WWC2: variants seen among roughly 807,000 people sequenced by gnomAD.
WWC2 encodes WW and C2 domain containing 2.
In WWC2, 101 loss-of-function variants were observed where a neutral mutation model predicts 138.5. The observed-to-expected ratio is 0.73, with a 90% CI of 0.62 to 0.86. The LOEUF (loss-of-function observed/expected upper bound fraction) is 0.86, where lower values mean the gene tolerates loss of function less well. WWC2 is among the 40% of genes least tolerant of loss of function. The pLI is 0.00. For synonymous variants in WWC2, 558 were observed against 538.4 expected (o/e 1.04, Z -0.50); for missense variants, 1,420 against 1,419.4 (o/e 1.00, Z -0.01).
At chr4:183,191,795 A>G (rs971319335) in intron 1 of WWC2, among the ~76,000 whole-genome samples, 11 of 152,002 alleles carry the variant, frequency 7.2e-5, no homozygotes, top group Admixed American at 7.2e-4. Flanking sequence ...TGGTGCGATC[A>G]TGGCTCACTG....
intron 1 of WWC2, among the ~76,000 whole-genome samples, chr4:183,146,381 T>A (rs1007617183): frequency 4.6e-5 from 7 of 152,198 alleles, no homozygotes; most frequent in African/African-American, 9.6e-5. Flanking sequence ...GATCAGTTGC[T>A]CTCTCTCTAG....
At chr4:183,301,829 A>G (rs1449522673) in intron 21 of WWC2, among the ~76,000 whole-genome samples, 1 of 152,240 alleles carries the variant, frequency 6.6e-6, no homozygotes, top group African/African-American at 2.4e-5. Context: ...CCCAGAGGTT[A>G]CCACTGTTGA....
intron 21 of WWC2, among the ~76,000 whole-genome samples, chr4:183,301,110 T>A (rs1315148799): frequency 1.3e-5 from 2 of 152,216 alleles, no homozygotes; most frequent in Admixed American, 1.3e-4. Flanking sequence ...TGGTATTTCA[T>A]GAAGAATTTG....
intron 4 of WWC2, among the ~76,000 whole-genome samples, chr4:183,218,214 A>G (rs1735811637): frequency 6.6e-6 from 1 of 152,216 alleles, no homozygotes; most frequent in Non-Finnish European, 1.5e-5. Context: ...AGACTTCAAT[A>G]GACATTTCTG....
At chr4:183,184,090 C>G (rs1560830793) in intron 1 of WWC2, among the ~76,000 whole-genome samples, 1 of 152,162 alleles carries the variant, frequency 6.6e-6, no homozygotes, top group East Asian at 1.9e-4. Flanking sequence ...TATTTAGTTT[C>G]AGAACATTGT....
At chr4:183,170,478 G>GAA (rs1734245845) in intron 1 of WWC2, among the ~76,000 whole-genome samples, 1 of 152,146 alleles carries the variant, frequency 6.6e-6, no homozygotes, top group African/African-American at 2.4e-5. Flanking sequence ...GGGGTAAAGA[G>GAA]GAAAGCACTT....
At chr4:183,117,730 A>G (rs1732460414) in intron 1 of WWC2, among the ~76,000 whole-genome samples, 1 of 150,548 alleles carries the variant, frequency 6.6e-6, no homozygotes, top group Non-Finnish European at 1.5e-5. Flanking sequence ...TCAGCCTCCC[A>G]GAGTGCTGGG....
chr4:183,261,247 T>G lies in WWC2; in HGVS notation c.1624T>G (p.Ser542Ala). Residue 542 changes from serine (S) to alanine (A), a missense_variant, in exon 11 of 23, where the codon TCT becomes GCT. By Grantham distance (99) the Ser-to-Ala change is moderately conservative. Coordinates refer to ENST00000403733, the MANE Select transcript of WWC2 (RefSeq NM_024949.6). ...HTPPLAEAPKSVASLSSRSSL... is the reference protein window; with the variant it reads ...HTPPLAEAPKAVASLSSRSSL... ...TCCTCCACTGGCTGAGGCCCCGAAG[T>G]CTGTGGCCTCCCTGTCCTCGAGGTC... 1 of 1,613,020 alleles carries G rather than the reference T, an allele frequency of 6.2e-7. No individual in the cohort carries two copies.
At chr4:183,171,749 T>G (rs942261141) in intron 1 of WWC2, among the ~76,000 whole-genome samples, 1 of 152,230 alleles carries the variant, frequency 6.6e-6, no homozygotes, top group Non-Finnish European at 1.5e-5. Context: ...TTTACATATT[T>G]AAAAGTTTCT....
rs546555995 is a variant in WWC2, at chr4:183,185,945, AT to A, written c.132-7635del. 4.4e-3 allele frequency among the ~76,000 whole-genome samples: 583 copies of A among 131,208 alleles called. 2 individuals are homozygous for A. The highest frequency in any genetic ancestry group is 0.011 in the African/African-American group (380 of 35,800). 86.1% of individuals were successfully genotyped at this position (131,208 alleles called of 152,430 possible). ...ATGTAAAATTTGACCTTTAACATAG[AT>A]TTTTTTTTTTTTTTTTTTGGTGACG... On this transcript the variant is annotated intron_variant, in intron 1 of 22. Transcript: ENST00000403733.
At chr4:183,224,022 G>A (rs917159184) in intron 4 of WWC2, among the ~76,000 whole-genome samples, 4 of 152,066 alleles carry the variant, frequency 2.6e-5, no homozygotes, top group Admixed American at 6.6e-5. Context: ...GTGTGCCACC[G>A]CACCCAGCTG....
intron 4 of WWC2, among the ~76,000 whole-genome samples, chr4:183,236,509 G>C (rs191308244): frequency 4.6e-5 from 7 of 152,276 alleles, no homozygotes; most frequent in Non-Finnish European, 1.5e-5. Flanking sequence ...AACATTCAGC[G>C]GTCTATGAGT....
chr4:183,291,589 T>C (rs1738452040), intron 21 of WWC2, among the ~76,000 whole-genome samples: 1 of 152,234 alleles, frequency 6.6e-6, no homozygotes, highest in Admixed American at 6.5e-5. Context: ...ATTGGAGTTT[T>C]ACAACTATAG....
intron 22 of WWC2, among the ~76,000 whole-genome samples, chr4:183,314,555 G>A (rs922375361): frequency 1.3e-5 from 2 of 152,198 alleles, no homozygotes; most frequent in African/African-American, 4.8e-5. Context: ...GTTCTGCCCG[G>A]CACCACCCCA....
At position 183,295,616 on chromosome 4, in the gene WWC2, C is replaced by A. The variant is rs116975241; in HGVS notation, c.3384+5981C>A. Among the ~76,000 whole-genome samples the A allele has an allele frequency of 1.2e-3, 184 of 152,264 alleles. 3 individuals carry two copies. The East Asian group carries it at 0.025, about 21-fold the overall frequency. ...AGATCAAATCAGTATTTCTTAGAGA[C>A]CTTATGTACAACACAGTTTTGAAAT... On this transcript the variant is annotated intron_variant, in intron 21 of 22. Transcript: ENST00000403733.
chr4:183,201,800 T>G (rs1474431893), intron 2 of WWC2, among the ~76,000 whole-genome samples: 1 of 152,222 alleles, frequency 6.6e-6, no homozygotes, highest in Admixed American at 6.5e-5. Flanking sequence ...AGTATTTCTA[T>G]TCTAATCTAT....
Position 183,269,061 on chromosome 4 carries a change from C to G in WWC2, c.2298C>G (p.Phe766Leu). 6.2e-7 allele frequency: 1 copy of G among 1,613,924 alleles called. No homozygotes were observed. Among genetic ancestry groups the G allele is most frequent in the Non-Finnish European group, 8.5e-7 (1 of 1,179,878 alleles). Reference protein sequence around the residue: ...KVHPPTESILFNDVFRVAISQ... With the variant: ...KVHPPTESILLNDVFRVAISQ... ...ATCCGCCCACAGAATCCATTTTATT[C>G]AATGATGTGTTCAGAGTCGCCATTT... Residue 766 changes from phenylalanine (F) to leucine (L), a missense_variant, in exon 15 of 23, where the codon TTC (phenylalanine) becomes TTG (leucine). By Grantham distance (22) the Phe-to-Leu change is conservative. Transcript: ENST00000403733.
intron 1 of WWC2, among the ~76,000 whole-genome samples, chr4:183,138,895 C>G (rs1733205724): frequency 1.3e-5 from 2 of 152,084 alleles, no homozygotes; most frequent in South Asian, 4.2e-4. Context: ...TAACACGGCC[C>G]CAGTGATGTA....
At chr4:183,288,280 C>G (rs561800776) in intron 20 of WWC2, among the ~76,000 whole-genome samples, 2 of 152,206 alleles carry the variant, frequency 1.3e-5, no homozygotes, top group Admixed American at 1.3e-4. Context: ...CCCCTCCCTT[C>G]CATCTGGCAT....
Sources: allele counts gnomAD v4.1 joint callset (sites outside exome capture counted in the v4.1 genomes callset), GRCh38; gene constraint gnomAD v4.1.1; transcripts MANE v1.5; gene names NCBI Gene and HGNC (gene_info 2026-07-23, HGNC 2026-07-21).